The following ZNF124 variants were observed in gnomAD, a reference collection of about 807,000 sequenced individuals.
ZNF124 encodes zinc finger protein 124.
A neutral mutation model predicts 26.6 loss-of-function variants in ZNF124; 25 were observed. That is an observed-to-expected ratio of 0.94 (90% CI 0.68 to 1.31). The LOEUF is 1.31. Ranked by LOEUF, ZNF124 falls within the 40% of genes most tolerant of loss-of-function variation. The pLI is 0.00. For synonymous variants in ZNF124, 129 were observed against 133.3 expected, an observed-to-expected ratio of 0.97 and a Z score of 0.22; for missense variants, 444 against 422.2, an observed-to-expected ratio of 1.05 and a Z score of -0.45.
At chr1:247,163,390 CT>C (rs1176608990) in intron 1 of ZNF124, among the ~76,000 whole-genome samples, 4 of 27,496 alleles carry the variant, frequency 1.5e-4, no homozygotes, top group Admixed American at 6.4e-4. Flanking sequence ...GCTAGCTAGA[CT>C]AATAAAGAAA....
At chr1:247,145,621 T>C (rs1409880809) in intron 3 of ZNF124, among the ~76,000 whole-genome samples, 3 of 149,486 alleles carry the variant, frequency 2.0e-5, no homozygotes, top group South Asian at 2.2e-4. Context: ...CAGGCTCTTA[T>C]TAAAAACTTC....
chr1:247,166,425 A>G (rs1673782230), intron 1 of ZNF124, among the ~76,000 whole-genome samples: 1 of 152,242 alleles, frequency 6.6e-6, no homozygotes, highest in Non-Finnish European at 1.5e-5. Flanking sequence ...GGTTCACTGT[A>G]GCATTATTCA....
chr1:247,141,230 G>A (rs542784591), intron 3 of ZNF124, among the ~76,000 whole-genome samples: 1 of 152,210 alleles, frequency 6.6e-6, no homozygotes, highest in East Asian at 1.9e-4. Context: ...GCAGTTTGTT[G>A]TAGGTGTGGA....
intron 3 of ZNF124, among the ~76,000 whole-genome samples, chr1:247,125,542 C>T (rs1299675800): frequency 2.8e-5 from 4 of 144,446 alleles, no homozygotes; most frequent in Non-Finnish European, 6.0e-5. Flanking sequence ...AGGGATTCTC[C>T]TGCCTCAGCA....
chr1:247,127,953 A>G (rs1303300773), intron 3 of ZNF124, among the ~76,000 whole-genome samples: 2 of 151,008 alleles, frequency 1.3e-5, no homozygotes, highest in East Asian at 3.9e-4. Context: ...CCACAAGGGT[A>G]CTGGTTTCCC....
downstream of ZNF124, among the ~76,000 whole-genome samples, chr1:247,150,782 T>TA (rs1162436914): frequency 1.3e-5 from 2 of 151,132 alleles, no homozygotes; most frequent in African/African-American, 4.9e-5. Context: ...ATGAATGAAT[T>TA]GCAAAATAAA....
At chr1:247,153,064 T>C (rs573178271), downstream of ZNF124, among the ~76,000 whole-genome samples, 70 of 147,972 alleles carry the variant, frequency 4.7e-4, 2 homozygotes, top group South Asian at 0.012. Flanking sequence ...ACCCGGGAGG[T>C]GGAGGTTGCA....
intron 1 of ZNF124, among the ~76,000 whole-genome samples, chr1:247,161,094 A>G (rs1314797893): frequency 6.6e-6 from 1 of 152,248 alleles, no homozygotes; most frequent in East Asian, 1.9e-4. Flanking sequence ...ACTACTTTTC[A>G]AAACCTACAG....
intron 3 of ZNF124, among the ~76,000 whole-genome samples, chr1:247,130,859 T>C (rs1672340124): frequency 6.6e-6 from 1 of 152,134 alleles, no homozygotes; most frequent in South Asian, 2.1e-4. Flanking sequence ...GGGCAGATCA[T>C]GAGGTCAGGA....
chr1:247,135,673 G>A (rs2890339), intron 3 of ZNF124, among the ~76,000 whole-genome samples: 46,255 of 151,894 alleles, frequency 0.3, 7,985 homozygotes, highest in African/African-American at 0.47. Context: ...TCCCTAACTC[G>A]TTTTATAAGG....
intron 3 of ZNF124, among the ~76,000 whole-genome samples, chr1:247,134,636 C>A (rs1672442255): frequency 6.6e-6 from 1 of 152,172 alleles, no homozygotes; most frequent in South Asian, 2.1e-4. Context: ...AAGGGAATTA[C>A]ACTCCTGTGT....
rs1673117282 is a variant in ZNF124, at chr1:247,156,128, T to C, written c.*438A>G. 1.0e-6 allele frequency: 1 copy of C among 986,926 alleles called. No individual in the cohort carries two copies. 61.1% of individuals were successfully genotyped at this position (986,926 alleles called of 1,614,324 possible). On this transcript the variant is annotated 3_prime_UTR_variant, in exon 4 of 4. Transcript: ENST00000543802. ...AAGTAATTGTTAAAATTCAGAATTT[T>C]CTGTATTTCTAGGATTTCAATCTGG...
chr1:247,162,759 T>C (rs1190601959), intron 1 of ZNF124, among the ~76,000 whole-genome samples: 1 of 152,106 alleles, frequency 6.6e-6, no homozygotes, highest in East Asian at 1.9e-4. Flanking sequence ...TAAATACGTA[T>C]GCACCCAACA....
Position 247,155,977 on chromosome 1 carries a change from CCTAAAACAT to C in ZNF124, c.*580_*588del, listed in dbSNP as rs1048925576. ...CAATATATTCAATTTATTTATAGCTCCTAAAACATCTCATTCACATAGTGAATTTTCTTG... is the reference window on the plus strand; with the variant it reads ...CAATATATTCAATTTATTTATAGCTCCTCATTCACATAGTGAATTTTCTTG... On this transcript the variant is annotated 3_prime_UTR_variant, in exon 4 of 4. Coordinates refer to ENST00000543802, the MANE Select transcript of ZNF124 (RefSeq NM_001297568.2). The C allele has an allele frequency of 6.4e-6, 6 of 937,542 alleles. No individual in the cohort carries two copies. The highest frequency in any genetic ancestry group is 6.2e-5 in the Admixed American group (1 of 16,100). 58.1% of individuals were successfully genotyped at this position (937,542 alleles called of 1,614,324 possible).
chr1:247,141,685 T>C (rs1672633010), intron 3 of ZNF124, among the ~76,000 whole-genome samples: 1 of 152,032 alleles, frequency 6.6e-6, no homozygotes, highest in Non-Finnish European at 1.5e-5. Context: ...GAGGTGACTG[T>C]TCTGTGTTCA....
rs1185245233 is a variant in ZNF124 at position 247,157,010 on chromosome 1, T to C, written c.612A>G (p.Lys204=). ...RDHERTHTGE[K]PYECKHCGKA... is the part of the protein sequence containing the mutation. ...TCCCACAGTGCTTACATTCATAGGG[T>C]TTCTCTCCAGTATGAGTTCTTTCAT... The change falls in exon 4 of 4, where the codon AAA becomes AAG. Residue 204 remains lysine, a synonymous_variant. Coordinates refer to ENST00000543802, the MANE Select transcript of ZNF124 (RefSeq NM_001297568.2). 6.2e-7 allele frequency: 1 copy of C among 1,614,002 alleles called. No homozygotes were observed. Among genetic ancestry groups the C allele is most frequent in the Admixed American group, 1.7e-5 (1 of 59,992 alleles).
intron 1 of ZNF124, among the ~76,000 whole-genome samples, chr1:247,161,126 C>T (rs192083613): frequency 4.6e-5 from 7 of 152,272 alleles, no homozygotes; most frequent in South Asian, 4.2e-4. Context: ...GCCTAACAAC[C>T]GTCAAAGTCT....
intron 3 of ZNF124, among the ~76,000 whole-genome samples, chr1:247,130,787 C>A (rs1672335950): frequency 6.6e-6 from 1 of 152,134 alleles, no homozygotes; most frequent in African/African-American, 2.4e-5. Flanking sequence ...TCATTTGAAA[C>A]AAAGTGGGGG....
chr1:247,163,323 A>AGAGAGAG (rs374751236), intron 1 of ZNF124, among the ~76,000 whole-genome samples: 1 of 149,210 alleles, frequency 6.7e-6, no homozygotes, highest in Non-Finnish European at 1.5e-5. Context: ...AGAGAGAGAG[A>AGAGAGAG]AAAAAAAGCA....
Sources: gnomAD v4.1 joint callset for allele counts (sites outside exome capture counted in the v4.1 genomes callset) on GRCh38, gnomAD v4.1.1 for gene constraint, MANE v1.5 for transcripts, NCBI Gene and HGNC (gene_info 2026-07-23, HGNC 2026-07-21) for gene names.